The following KDM5A variants were observed in gnomAD, a reference collection of about 807,000 sequenced individuals.
KDM5A encodes lysine-specific demethylase 5A.
A neutral mutation model predicts 193.5 loss-of-function variants in KDM5A; 42 were observed. That is an observed-to-expected ratio of 0.22 (90% CI 0.17 to 0.28). The LOEUF (loss-of-function observed/expected upper bound fraction) is 0.28. Ranked by LOEUF, KDM5A falls within the 10% of genes least tolerant of loss-of-function variation. KDM5A has a pLI of 1.00. For synonymous variants in KDM5A, 796 were observed against 718.1 expected, an observed-to-expected ratio of 1.11 and a Z score of -1.73; for missense variants, 1,692 against 2,055.1, an observed-to-expected ratio of 0.82 and a Z score of 3.42.
chr12:283,612 A>G lies in KDM5A; in HGVS notation c.*1844T>C, dbSNP rs1943181476. 2 of 233,276 alleles carry G rather than the reference A, an allele frequency of 8.6e-6. No homozygotes were observed. The highest frequency in any genetic ancestry group is 1.7e-5 in the Non-Finnish European group (2 of 117,864). 14.5% of individuals were successfully genotyped at this position (233,276 alleles called of 1,614,324 possible). On this transcript the variant is annotated 3_prime_UTR_variant, in exon 28 of 28. Transcript: ENST00000399788. ...CCCACTCAAACTGTAACTGGACAGT[A>G]CATTTCACTTCTAGTTACTAGAAGA...
rs12372747 is a variant in KDM5A at position 302,208 on chromosome 12, T to C, written c.4074+4738A>G. The stretch of plus-strand genomic sequence containing the variant: ...ATATGGAACCAAAAAAGAGCCCGCA[T>C]TGCCAAGGCAATCCTAAAGAAATAG... On this transcript the variant is annotated intron_variant, in intron 24 of 27. Coordinates refer to ENST00000399788, the MANE Select transcript of KDM5A (RefSeq NM_001042603.3). Among the ~76,000 whole-genome samples, 1,127 of 152,312 alleles carry C rather than the reference T, an allele frequency of 7.4e-3. 6 individuals carry two copies. The highest frequency in any genetic ancestry group is 0.011 in the Non-Finnish European group (718 of 68,014).
intron 15 of KDM5A, 84 bp downstream of exon 15, chr12:323,516 T>C (rs1030770786): frequency 2.3e-6 from 3 of 1,331,492 alleles, no homozygotes; most frequent in Non-Finnish European, 3.2e-6. Flanking sequence ...AGTAAAGGAG[T>C]AAAGTAAGGG....
chr12:378,820 G>T (rs897058130), intron 3 of KDM5A, among the ~76,000 whole-genome samples: 6 of 152,090 alleles, frequency 3.9e-5, no homozygotes, highest in African/African-American at 1.4e-4. Flanking sequence ...TTAGCCGGGC[G>T]TGGTGGTGGG....
At chr12:336,249 C>G (rs1239382744) in intron 10 of KDM5A, among the ~76,000 whole-genome samples, 3 of 150,518 alleles carry the variant, frequency 2.0e-5, no homozygotes, top group African/African-American at 7.3e-5. Context: ...GTTCCAGCTA[C>G]TAGGGATGCT....
chr12:299,235 A>T (rs920523371), intron 24 of KDM5A, among the ~76,000 whole-genome samples: 5 of 152,222 alleles, frequency 3.3e-5, no homozygotes, highest in African/African-American at 1.2e-4. Flanking sequence ...CAAACCCAAG[A>T]CACATAACTG....
At position 307,654 on chromosome 12, in the gene KDM5A, C is replaced by G; in HGVS notation, c.3730G>C (p.Glu1244Gln). ...QKLPVRLPEG[E>Q]ALQCLTERAM... ...CGTTCTGTCAAACACTGCAGGGCCT[C>G]TCCTTCAGGCAACCGTACGGGCAAC... The change falls in exon 23 of 28, where the codon GAG becomes CAG. Residue 1244 changes from glutamate (E) to glutamine (Q), a missense_variant. Physicochemically the swap from Glu to Gln is conservative, Grantham distance 29 (BLOSUM62 2). Coordinates refer to ENST00000399788, the MANE Select transcript of KDM5A (RefSeq NM_001042603.3). The surrounding 1 kb of genome is among the most constrained non-coding windows in gnomAD (Gnocchi z 4.3). 1 of 1,614,226 alleles carries G rather than the reference C, an allele frequency of 6.2e-7. No homozygotes were observed. Among genetic ancestry groups the G allele is most frequent in the Non-Finnish European group, 8.5e-7 (1 of 1,180,036 alleles).
At chr12:387,246 A>G in intron 1 of KDM5A, 2 of 366,660 alleles carry the variant, frequency 5.5e-6, no homozygotes, top group Non-Finnish European at 1.0e-5. Context: ...AAAAAGTCTT[A>G]CCTTGGAAAC....
chr12:374,396 C>T (rs1003950702), intron 3 of KDM5A, among the ~76,000 whole-genome samples: 1 of 152,126 alleles, frequency 6.6e-6, no homozygotes, highest in Non-Finnish European at 1.5e-5. Context: ...AGGATTGCAA[C>T]CCCTGCCTTT....
chr12:286,053 A>G (rs1258031311), intron 27 of KDM5A: 1 of 419,584 alleles, frequency 2.4e-6, no homozygotes, highest in Non-Finnish European at 4.7e-6. Context: ...GAAGAGTACA[A>G]CAATGTGAAG....
rs1943184133 is a variant in KDM5A, at chr12:283,852, A to G, written c.*1604T>C. 8.6e-6 allele frequency: 2 copies of G among 233,246 alleles called. No individual in the cohort carries two copies. The highest frequency in any genetic ancestry group is 1.7e-5 in the Non-Finnish European group (2 of 117,868). The allele number at this position is 233,246 out of a possible 1,614,324, so 14.4% of individuals were successfully genotyped here. On this transcript the variant is annotated 3_prime_UTR_variant, in exon 28 of 28. Coordinates refer to ENST00000399788, the MANE Select transcript of KDM5A (RefSeq NM_001042603.3). ...TTAAAAAAAAATTAGTCCCCTTCTAATAAGAGTTTACATACAGCTTACCTA... is the reference window on the plus strand; with the variant it reads ...TTAAAAAAAAATTAGTCCCCTTCTAGTAAGAGTTTACATACAGCTTACCTA...
intron 21 of KDM5A, among the ~76,000 whole-genome samples, chr12:310,252 A>C (rs577370678): frequency 3.9e-5 from 6 of 152,330 alleles, no homozygotes; most frequent in East Asian, 1.9e-4. Flanking sequence ...CTCATTCCAA[A>C]GCCTTTGCTC....
At chr12:322,678 T>C (rs887969861) in intron 16 of KDM5A, 111 bp from the exon 17 acceptor site, 4 of 865,888 alleles carry the variant, frequency 4.6e-6, no homozygotes, top group Non-Finnish European at 7.5e-6. Flanking sequence ...TGTAGAAATA[T>C]AATAATTAGT....
Position 333,595 on chromosome 12 carries a change from C to T in KDM5A, c.1545G>A (p.Glu515=). The change falls in exon 12 of 28, where the codon GAG becomes GAA. Residue 515 remains glutamate (E), a synonymous_variant. Transcript: ENST00000399788. ...GVPSHAAEQL[E]EVMRELAPEL... ...CGGGGGCCAGCTCTCTCATCACCTC[C>T]TCCAGTTGCTCTGCAGCATGAGATG... is the stretch of plus-strand genomic sequence containing the variant. 1 of 1,614,124 alleles carries T rather than the reference C, an allele frequency of 6.2e-7. No homozygotes were observed. The highest frequency in any genetic ancestry group is 1.6e-4 in the Middle Eastern group (1 of 6,062).
At chr12:340,020 CGT>C (rs1324409912) in intron 10 of KDM5A, among the ~76,000 whole-genome samples, 2 of 151,806 alleles carry the variant, frequency 1.3e-5, no homozygotes, top group Non-Finnish European at 2.9e-5. Flanking sequence ...CAACTACAGG[CGT>C]GTGCCACCAC....
chr12:292,222 T>C (rs535429333), intron 27 of KDM5A, among the ~76,000 whole-genome samples: 4 of 152,342 alleles, frequency 2.6e-5, no homozygotes, highest in Admixed American at 1.3e-4. Flanking sequence ...AATGCATTTA[T>C]AGGTTTGAAT....
intron 3 of KDM5A, among the ~76,000 whole-genome samples, chr12:382,777 A>G (rs1210885099): frequency 6.6e-6 from 1 of 152,100 alleles, no homozygotes; most frequent in Non-Finnish European, 1.5e-5. Flanking sequence ...ACTAAAAAAT[A>G]CAAAATTAGC....
chr12:280,374 A>C lies in KDM5A; in HGVS notation c.*5082T>G, dbSNP rs1195170360. The C allele has an allele frequency of 1.3e-5, 3 of 232,544 alleles. No homozygotes were observed. Among genetic ancestry groups the C allele is most frequent in the African/African-American group, 6.6e-5 (3 of 45,148 alleles). The allele number at this position is 232,544 out of a possible 1,614,324, so 14.4% of individuals were successfully genotyped here. A position where few individuals can be genotyped will look rare whatever the true frequency, so the allele number is the denominator to read the frequency against. The stretch of plus-strand genomic sequence containing the variant: ...CCAACACAATTTTTTTTTTTAATGG[A>C]CTTGCCACCTTAAGAAACTTCAAGT... On this transcript the variant is annotated 3_prime_UTR_variant, in exon 28 of 28. Coordinates refer to ENST00000399788, the MANE Select transcript of KDM5A (RefSeq NM_001042603.3).
chr12:291,092 T>C (rs1412343842), intron 27 of KDM5A, among the ~76,000 whole-genome samples: 1 of 152,082 alleles, frequency 6.6e-6, no homozygotes, highest in African/African-American at 2.4e-5. Context: ...ATAAAAATAA[T>C]ATGCACATAT....
In KDM5A at chr12:334,325, G is replaced by C; in HGVS notation, c.1406C>G (p.Pro469Arg). Reference protein sequence around the residue: ...INVDISGMKVPWLYVGMCFSS... With the variant: ...INVDISGMKVRWLYVGMCFSS... ...GAAGCACATTCCCACATAGAGCCAC[G>C]GCACTTTCATACCAGAGATGTCCAC... Residue 469 changes from proline to arginine, a missense_variant, in exon 11 of 28, where the codon CCG becomes CGG. Coordinates refer to ENST00000399788, the MANE Select transcript of KDM5A (RefSeq NM_001042603.3). 1 of 1,614,010 alleles carries C rather than the reference G, an allele frequency of 6.2e-7. No individual in the cohort carries two copies. The highest frequency in any genetic ancestry group is 1.7e-5 in the Admixed American group (1 of 60,024).
Sources: allele counts gnomAD v4.1 joint callset (sites outside exome capture counted in the v4.1 genomes callset), GRCh38; gene constraint gnomAD v4.1.1; non-coding constraint Gnocchi (gnomAD v3.1); transcripts MANE v1.5; gene names NCBI Gene and HGNC (gene_info 2026-07-23, HGNC 2026-07-21).